TOP2B: variants seen among roughly 807,000 people sequenced by gnomAD.
TOP2B encodes the protein DNA topoisomerase 2-beta.
In TOP2B, 51 loss-of-function variants were observed where a neutral mutation model predicts 193.5. The ratio of observed to expected loss-of-function variants is 0.26; its 90% CI spans 0.21 to 0.33. The LOEUF is 0.33. Among genes scored for constraint, TOP2B ranks in the 10% least tolerant of loss-of-function variants. TOP2B has a pLI of 1.00. For missense variants in TOP2B, 1,378 were observed against 1,909.3 expected (o/e 0.72, Z 5.19); for synonymous variants, 634 against 635.7 (o/e 1.00, Z 0.04).
intron 31 of TOP2B, 59 bp downstream of exon 31, chr3:25,607,112 A>G (rs550897533): frequency 3.2e-6 from 5 of 1,579,320 alleles, no homozygotes; most frequent in Middle Eastern, 2.0e-4. Flanking sequence ...TCACTATAAT[A>G]TCTTTGGCAA....
intron 1 of TOP2B, among the ~76,000 whole-genome samples, chr3:25,656,354 C>G (rs187164446): frequency 6.6e-6 from 1 of 152,228 alleles, no homozygotes; most frequent in East Asian, 1.9e-4. Context: ...GTCCCAGCTA[C>G]TCTGGAGTCT....
intron 1 of TOP2B, among the ~76,000 whole-genome samples, chr3:25,647,102 C>T (rs575920757): frequency 7.2e-5 from 11 of 152,270 alleles, no homozygotes; most frequent in Middle Eastern, 3.4e-3. Flanking sequence ...AAAAGTTAGA[C>T]GATGAACTAG....
chr3:25,653,652 A>C (rs1703661919), intron 1 of TOP2B, among the ~76,000 whole-genome samples: 1 of 151,694 alleles, frequency 6.6e-6, no homozygotes, highest in Non-Finnish European at 1.5e-5. Flanking sequence ...ATGGTCTTAA[A>C]CTCCTGGCCG....
rs768940851 is a variant in TOP2B, at chr3:25,630,299, C to T, written c.1563+13G>A. Reference sequence around the variant, plus strand: ...ATGTGTGTATACACATATATATACACACACATACATACCTGTTTATGAGAA... The same window carrying T: ...ATGTGTGTATACACATATATATACATACACATACATACCTGTTTATGAGAA... On this transcript the variant is annotated intron_variant, in intron 12 of 35. Transcript: ENST00000264331. The T allele has an allele frequency of 6.5e-7, 1 of 1,549,982 alleles. No individual in the cohort carries two copies. The highest frequency in any genetic ancestry group is 1.4e-5 in the African/African-American group (1 of 72,898).
intron 21 of TOP2B, among the ~76,000 whole-genome samples, chr3:25,622,233 T>TAAA (rs1237274650): frequency 2.0e-5 from 3 of 152,160 alleles, no homozygotes; most frequent in Non-Finnish European, 4.4e-5. Context: ...TACACTATCT[T>TAAA]AACAATCTAA....
chr3:25,623,682 T>G lies in TOP2B; in HGVS notation c.2560A>C (p.Asn854His). 1 of 1,613,848 alleles carries G rather than the reference T, an allele frequency of 6.2e-7. No individual in the cohort carries two copies. Among genetic ancestry groups the G allele is most frequent in the Non-Finnish European group, 8.5e-7 (1 of 1,179,830 alleles). Residue 854 changes from asparagine (N) to histidine (H), a missense_variant, in exon 21 of 36, where the codon AAT becomes CAT. By Grantham distance (68) the Asn-to-His change is moderately conservative (BLOSUM62 1). This residue lies in a region of TOP2B where 379 missense variants were observed against 615.1 expected (regional missense o/e 0.62). Coordinates refer to ENST00000264331, the MANE Select transcript of TOP2B (RefSeq NM_001330700.2). The stretch of plus-strand genomic sequence containing the variant: ...TACCACTCAGGCTCTACACGTTGAT[T>G]ATCATCATAAAGGAACTTAAGGAGG... ...DNLLKFLYDD[N>H]QRVEPEWYIP...
Position 25,605,763 on chromosome 3 carries a change from C to T in TOP2B, c.4378+280G>A, listed in dbSNP as rs563351286. Among the ~76,000 whole-genome samples, 10 of 152,132 alleles carry T rather than the reference C, an allele frequency of 6.6e-5. No homozygotes were observed. In the South Asian group the frequency reaches 2.1e-3, roughly 31 times the overall value. On this transcript the variant is annotated intron_variant, in intron 32 of 35. Coordinates refer to ENST00000264331, the MANE Select transcript of TOP2B (RefSeq NM_001330700.2). ...CTTTCAAAATTTCATTATTTCTTTT[C>T]TCTCATTAAAACACTACACATACAC... is the stretch of plus-strand genomic sequence containing the variant.
intron 27 of TOP2B, among the ~76,000 whole-genome samples, chr3:25,614,419 A>C (rs1702454852): frequency 6.6e-6 from 1 of 152,158 alleles, no homozygotes; most frequent in Non-Finnish European, 1.5e-5. Context: ...ATTAATGAAC[A>C]ATATACGGAA....
chr3:25,601,353 C>A (rs562663217), intron 33 of TOP2B, 128 bp from the exon 34 acceptor site: 113 of 1,168,484 alleles, frequency 9.7e-5, no homozygotes, highest in Non-Finnish European at 1.3e-4. Context: ...CGTGGTGGCT[C>A]ACACCTGTAA....
Position 25,632,590 on chromosome 3 carries a change from A to T in TOP2B, c.1129-7T>A. 6.2e-7 allele frequency: 1 copy of T among 1,600,496 alleles called. No individual in the cohort carries two copies. The highest frequency in any genetic ancestry group is 8.5e-7 in the Non-Finnish European group (1 of 1,176,418). Reference sequence around the variant, plus strand: ...CCCATATATGGTTTTTTACCTGTTGAAAACATACCCAAAAAAGTCAATATC... The same window carrying T: ...CCCATATATGGTTTTTTACCTGTTGTAAACATACCCAAAAAAGTCAATATC... On this transcript the variant is annotated splice_polypyrimidine_tract_variant and splice_region_variant and intron_variant, in intron 9 of 35. Transcript: ENST00000264331.
chr3:25,627,302 C>G lies in TOP2B; in HGVS notation c.1907-6G>C, dbSNP rs1398420622. On this transcript the variant is annotated splice_region_variant and splice_polypyrimidine_tract_variant and intron_variant, in intron 15 of 35. Coordinates refer to ENST00000264331, the MANE Select transcript of TOP2B (RefSeq NM_001330700.2). ...AGCTGTACTAGTACCCAATCCTGCA[C>G]AATTTTAAAAATAAAAGTGAGTCAT... 2 of 1,539,742 alleles carry G rather than the reference C, an allele frequency of 1.3e-6. No homozygotes were observed. Among genetic ancestry groups the G allele is most frequent in the South Asian group, 1.2e-5 (1 of 81,346 alleles).
At chr3:25,631,246 T>A (rs911236664) in intron 10 of TOP2B, among the ~76,000 whole-genome samples, 1 of 151,828 alleles carries the variant, frequency 6.6e-6, no homozygotes, top group African/African-American at 2.4e-5. Context: ...ATTAACACAG[T>A]GAAAACAGAT....
intron 18 of TOP2B, among the ~76,000 whole-genome samples, chr3:25,625,502 T>C (rs1299349666): frequency 8.5e-5 from 13 of 152,050 alleles, no homozygotes; most frequent in Admixed American, 8.5e-4. Flanking sequence ...CAACACAAAT[T>C]TGTCAGTTTT....
chr3:25,599,253 G>A (rs1404951450), intron 35 of TOP2B, among the ~76,000 whole-genome samples, 182 bp downstream of exon 35: 2 of 151,988 alleles, frequency 1.3e-5, no homozygotes, highest in Non-Finnish European at 2.9e-5. Flanking sequence ...CAGTTATTTA[G>A]GAAATAGTCC....
Position 25,661,070 on chromosome 3 carries a change from G to A in TOP2B, c.69+3159C>T, listed in dbSNP as rs374625675. Among the ~76,000 whole-genome samples, 68 of 148,416 alleles carry A rather than the reference G, an allele frequency of 4.6e-4. 1 individual carries two copies. The East Asian group carries it at 7.7e-3, about 17-fold the overall frequency. On this transcript the variant is annotated intron_variant, in intron 1 of 35. Transcript: ENST00000264331. ...GGCTGGAGTGCAATGGCGTGATCTC[G>A]GCTCACCGCAACCTCCGCCTCCAAG...
intron 8 of TOP2B, among the ~76,000 whole-genome samples, chr3:25,633,523 C>T (rs1000452369): frequency 5.5e-5 from 8 of 146,196 alleles, no homozygotes; most frequent in African/African-American, 1.9e-4. Flanking sequence ...GTCACCAGCC[C>T]CCTCTCCTCT....
intron 9 of TOP2B, 46 bp downstream of exon 9, chr3:25,632,647 T>TAA (rs1421854436): frequency 8.1e-6 from 13 of 1,604,168 alleles, no homozygotes; most frequent in African/African-American, 1.3e-5. Context: ...AGTATATATA[T>TAA]AATGCATATG....
In TOP2B at chr3:25,630,955, T is replaced by C. The variant is rs373708823; in HGVS notation, c.1267-16A>G. ...AATTAGAGGCCTAAAAATAAAAGAA[T>C]AATGGTATACAAACAAGCTGAAAAT... On this transcript the variant is annotated splice_polypyrimidine_tract_variant and intron_variant, in intron 10 of 35. Transcript: ENST00000264331. 7.0e-6 allele frequency: 11 copies of C among 1,572,800 alleles called. No individual in the cohort carries two copies. Among genetic ancestry groups the C allele is most frequent in the African/African-American group, 1.4e-5 (1 of 72,166 alleles).
At chr3:25,619,461 C>T (rs1463941846) in intron 23 of TOP2B, among the ~76,000 whole-genome samples, 1 of 152,088 alleles carries the variant, frequency 6.6e-6, no homozygotes, top group African/African-American at 2.4e-5. Flanking sequence ...TTTCTACCTT[C>T]CTCCCCAGTT....
Sources: allele counts gnomAD v4.1 joint callset (sites outside exome capture counted in the v4.1 genomes callset), GRCh38; gene constraint gnomAD v4.1.1; regional missense constraint gnomAD v4.1.1; transcripts MANE v1.5; gene names NCBI Gene and HGNC (gene_info 2026-07-23, HGNC 2026-07-21).